Variants in TAS2R1 observed in about 807,000 individuals in gnomAD.
The protein encoded by TAS2R1 is taste receptor type 2 member 1.
For synonymous variants in TAS2R1, 141 were observed against 134.2 expected, an observed-to-expected ratio of 1.05 and a Z score of -0.35; for missense variants, 370 against 353.4, an observed-to-expected ratio of 1.05 and a Z score of -0.38.
At chr5:9,852,852 A>AAT in the TAS2R1 span, among the ~76,000 whole-genome samples, 758 of 151,258 alleles carry the variant, frequency 5.0e-3, 2 homozygotes, top group Non-Finnish European at 6.9e-3. Flanking sequence ...GAAAAAAAAA[A>AAT]ATATATATAT....
At chr5:9,667,823 A>T (rs989589131) in intron 1 of TAS2R1, among the ~76,000 whole-genome samples, 3 of 152,230 alleles carry the variant, frequency 2.0e-5, no homozygotes, top group African/African-American at 7.2e-5. Context: ...GCCCACACAG[A>T]TGAGAAAGAA....
intron 1 of TAS2R1, among the ~76,000 whole-genome samples, chr5:9,668,330 A>G (rs185934146): frequency 6.6e-6 from 1 of 152,312 alleles, no homozygotes; most frequent in Admixed American, 6.5e-5. Flanking sequence ...AGCAATTAGA[A>G]AACATGTTTG....
chr5:9,828,272 T>A, the TAS2R1 span, among the ~76,000 whole-genome samples: 14 of 152,048 alleles, frequency 9.2e-5, no homozygotes, highest in Non-Finnish European at 1.8e-4. Flanking sequence ...ATTACAGGCA[T>A]CCACCACCAT....
the TAS2R1 span, among the ~76,000 whole-genome samples, chr5:9,777,522 C>T: frequency 2.0e-5 from 3 of 152,226 alleles, no homozygotes; most frequent in African/African-American, 7.2e-5. Flanking sequence ...CCATTACTTC[C>T]TTCGCTGAAG....
At chr5:9,831,641 C>A in the TAS2R1 span, among the ~76,000 whole-genome samples, 1 of 149,734 alleles carries the variant, frequency 6.7e-6, no homozygotes, top group African/African-American at 2.4e-5. Flanking sequence ...CAAATCGTAA[C>A]ATATTAGTTT....
the TAS2R1 span, among the ~76,000 whole-genome samples, chr5:9,897,113 G>A: frequency 6.6e-6 from 1 of 152,162 alleles, no homozygotes; most frequent in African/African-American, 2.4e-5. Context: ...ATTATTTAAA[G>A]GGATGTAACA....
chr5:9,843,469 C>T, the TAS2R1 span, among the ~76,000 whole-genome samples: 2 of 152,162 alleles, frequency 1.3e-5, no homozygotes, highest in South Asian at 2.1e-4. Context: ...TCTTCAGCCA[C>T]GATTTTCACT....
At chr5:9,900,654 T>A in the TAS2R1 span, among the ~76,000 whole-genome samples, 763 of 141,370 alleles carry the variant, frequency 5.4e-3, 4 homozygotes, top group African/African-American at 0.018. Flanking sequence ...GGAGTCTGGC[T>A]CTGTCGCCCA....
the TAS2R1 span, among the ~76,000 whole-genome samples, chr5:9,864,855 AC>A: frequency 6.6e-6 from 1 of 152,046 alleles, no homozygotes; most frequent in Admixed American, 6.6e-5. Context: ...ATGCAGGAAG[AC>A]CCTCTGGAAA....
At chr5:9,729,203 T>G in the TAS2R1 span, among the ~76,000 whole-genome samples, 1,047 of 152,306 alleles carry the variant, frequency 6.9e-3, 16 homozygotes, top group African/African-American at 0.024. Flanking sequence ...GGGCAGTTTT[T>G]GGGGACTGCA....
chr5:9,787,332 AAGAC>A, the TAS2R1 span, among the ~76,000 whole-genome samples: 3 of 152,212 alleles, frequency 2.0e-5, no homozygotes, highest in Non-Finnish European at 2.9e-5. Flanking sequence ...CATCATGAAA[AAGAC>A]AGGTAAAATT....
At chr5:9,836,803 G>A in the TAS2R1 span, among the ~76,000 whole-genome samples, 2 of 152,148 alleles carry the variant, frequency 1.3e-5, no homozygotes, top group African/African-American at 4.8e-5. Flanking sequence ...AGTGTGACTG[G>A]GAGGACAAGG....
At chr5:9,701,918 T>C (rs1741491885) in intron 1 of TAS2R1, among the ~76,000 whole-genome samples, 1 of 152,226 alleles carries the variant, frequency 6.6e-6, no homozygotes, top group Non-Finnish European at 1.5e-5. Context: ...ATATAAAGTT[T>C]CTGTTAGAGT....
the TAS2R1 span, among the ~76,000 whole-genome samples, chr5:9,861,719 G>A: frequency 1.3e-5 from 2 of 152,170 alleles, no homozygotes; most frequent in Non-Finnish European, 2.9e-5. Context: ...GTCTCCCCTT[G>A]CATGTCCTGT....
At chr5:9,666,425 T>C (rs1740634004) in intron 1 of TAS2R1, among the ~76,000 whole-genome samples, 1 of 152,138 alleles carries the variant, frequency 6.6e-6, no homozygotes. Flanking sequence ...TCTTAATGTC[T>C]ACAAAATATC....
At chr5:9,791,276 AG>A in the TAS2R1 span, among the ~76,000 whole-genome samples, 1 of 152,200 alleles carries the variant, frequency 6.6e-6, no homozygotes, top group African/African-American at 2.4e-5. Context: ...CCTTGGCCCC[AG>A]CATGTACAGT....
the TAS2R1 span, among the ~76,000 whole-genome samples, chr5:9,719,183 G>C: frequency 6.6e-6 from 1 of 152,172 alleles, no homozygotes. Flanking sequence ...GAAGTATTTA[G>C]TAGGAAGGAC....
At chr5:9,777,066 C>A in the TAS2R1 span, among the ~76,000 whole-genome samples, 1 of 152,168 alleles carries the variant, frequency 6.6e-6, no homozygotes, top group Non-Finnish European at 1.5e-5. Context: ...AAGGGTCTTG[C>A]TTCTATGTTG....
the TAS2R1 span, among the ~76,000 whole-genome samples, chr5:9,796,127 T>C: frequency 2.1e-4 from 32 of 152,226 alleles, no homozygotes; most frequent in Non-Finnish European, 4.7e-4. Context: ...ATGTGGCATG[T>C]CAGGACACTG....
Sources: allele counts gnomAD v4.1 joint callset (sites outside exome capture counted in the v4.1 genomes callset), GRCh38; gene constraint gnomAD v4.1.1; transcripts MANE v1.5; gene names NCBI Gene and HGNC (gene_info 2026-07-23, HGNC 2026-07-21).